ADCY3: variants seen among roughly 807,000 people sequenced by gnomAD.
The protein encoded by ADCY3 is adenylate cyclase type 3.
ADCY3 carries 70 observed loss-of-function variants against 119.4 expected under a neutral mutation model. That is an observed-to-expected ratio of 0.59 (90% CI 0.48 to 0.72). The LOEUF is 0.72. Ranked by LOEUF, ADCY3 falls within the 30% of genes least tolerant of loss-of-function variation. The pLI, the probability that ADCY3 is intolerant of heterozygous loss-of-function variation, is 0.00. For synonymous variants in ADCY3, 672 were observed against 621.4 expected (o/e 1.08, Z -1.21); for missense variants, 1,238 against 1,541.6 (o/e 0.80, Z 3.30).
intron 3 of ADCY3, among the ~76,000 whole-genome samples, chr2:24,847,922 C>T (rs1181539731): frequency 1.3e-5 from 2 of 152,284 alleles, no homozygotes; most frequent in Middle Eastern, 3.4e-3. Flanking sequence ...TCAGTAATCC[C>T]GGGGATCCCA....
intron 3 of ADCY3, among the ~76,000 whole-genome samples, chr2:24,869,693 C>A (rs1045097775): frequency 6.6e-6 from 1 of 152,176 alleles, no homozygotes; most frequent in Non-Finnish European, 1.5e-5. Context: ...GGCATAGCCA[C>A]CTGCCTGGCC....
intron 18 of ADCY3, 134 bp from the exon 19 acceptor site, chr2:24,822,764 C>T: frequency 8.1e-7 from 1 of 1,230,944 alleles, no homozygotes; most frequent in Non-Finnish European, 1.1e-6. Flanking sequence ...GTTACTTAGT[C>T]TACCGCTTAT....
intron 18 of ADCY3, 121 bp downstream of exon 18, chr2:24,823,088 T>C: frequency 7.8e-7 from 1 of 1,280,522 alleles, no homozygotes; most frequent in East Asian, 2.5e-5. Flanking sequence ...GTCCATGTAT[T>C]GCGGAAGGGG....
chr2:24,870,936 T>A (rs965031874), intron 3 of ADCY3, among the ~76,000 whole-genome samples: 1 of 152,206 alleles, frequency 6.6e-6, no homozygotes, highest in Admixed American at 6.5e-5. Context: ...CTAAATTATC[T>A]ACACGAGAAC....
intron 2 of ADCY3, among the ~76,000 whole-genome samples, chr2:24,915,545 G>A (rs1345725344): frequency 1.3e-5 from 2 of 152,032 alleles, no homozygotes; most frequent in Non-Finnish European, 2.9e-5. Flanking sequence ...GTTTTTTGTT[G>A]TTTTTGTTTT....
intron 3 of ADCY3, among the ~76,000 whole-genome samples, chr2:24,847,757 T>C (rs1671814834): frequency 1.3e-5 from 2 of 152,202 alleles, no homozygotes; most frequent in South Asian, 4.1e-4. Flanking sequence ...TAGGAAGGTT[T>C]TCAAGAAAAG....
At chr2:24,829,083 C>A (rs1572808389) in intron 13 of ADCY3, among the ~76,000 whole-genome samples, 1 of 151,228 alleles carries the variant, frequency 6.6e-6, no homozygotes, top group Non-Finnish European at 1.5e-5. Flanking sequence ...GTGGTGCATT[C>A]TTGGCTCACT....
chr2:24,878,929 G>A lies in ADCY3; in HGVS notation c.676-6210C>T, dbSNP rs1457314325. Among the ~76,000 whole-genome samples the A allele has an allele frequency of 5.9e-5, 9 of 152,084 alleles. No homozygotes were observed. The highest frequency in any genetic ancestry group is 1.9e-4 in the African/African-American group (8 of 41,390). The stretch of plus-strand genomic sequence containing the variant: ...TTCTCTGTCCTCACTCCTTCGCCTC[G>A]TCGCCTGGAAAGCAAACTCCATGCA... On this transcript the variant is annotated intron_variant, in intron 2 of 21. Coordinates refer to ENST00000679454, the MANE Select transcript of ADCY3 (RefSeq NM_004036.5). This position sits in a 1 kb window ranked among gnomAD's most constrained non-coding sequence, Gnocchi z 4.0.
intron 2 of ADCY3, among the ~76,000 whole-genome samples, chr2:24,873,359 G>GC (rs935075540): frequency 6.6e-6 from 1 of 152,184 alleles, no homozygotes; most frequent in African/African-American, 2.4e-5. Context: ...GGTGAGGGGT[G>GC]CCCAGTACCA....
At chr2:24,881,449 G>A (rs138381006) in intron 2 of ADCY3, among the ~76,000 whole-genome samples, 209 of 152,334 alleles carry the variant, frequency 1.4e-3, no homozygotes, top group African/African-American at 4.8e-3. Flanking sequence ...CACGGGAGAG[G>A]CCAGAAGGAT....
Position 24,899,983 on chromosome 2 carries a change from T to C in ADCY3, c.675+18330A>G, listed in dbSNP as rs4077679. Among the ~76,000 whole-genome samples, 70,937 of 151,974 alleles carry C rather than the reference T, an allele frequency of 0.47. 19,525 individuals carry two copies. The highest frequency in any genetic ancestry group is 0.78 in the African/African-American group (32,392 of 41,490). ...CGTTTAAGAGAAGCCTCAATGTTAA[T>C]AGCAGTTATCCTTCAGAAATAATAT... On this transcript the variant is annotated intron_variant, in intron 2 of 21. Coordinates refer to ENST00000679454, the MANE Select transcript of ADCY3 (RefSeq NM_004036.5). This position sits in a 1 kb window ranked among gnomAD's most constrained non-coding sequence, Gnocchi z 4.5.
intron 9 of ADCY3, among the ~76,000 whole-genome samples, chr2:24,835,416 A>G (rs1670167283): frequency 6.6e-6 from 1 of 152,226 alleles, no homozygotes; most frequent in Admixed American, 6.5e-5. Flanking sequence ...CTGAGGGGGA[A>G]AGTGATGGGA....
intron 7 of ADCY3, chr2:24,839,025 C>A: frequency 1.8e-6 from 1 of 570,228 alleles, no homozygotes; most frequent in South Asian, 1.8e-5. Context: ...TCAGTGCAAC[C>A]TCTGCCTCCC....
chr2:24,863,662 C>CTTT (rs1673945311), intron 3 of ADCY3, among the ~76,000 whole-genome samples: 1 of 152,240 alleles, frequency 6.6e-6, no homozygotes, highest in Non-Finnish European at 1.5e-5. Flanking sequence ...GTTAGGATTA[C>CTTT]AGGCGTTGAG....
intron 15 of ADCY3, chr2:24,826,606 C>T (rs1668655913): frequency 6.5e-6 from 1 of 154,038 alleles, no homozygotes; most frequent in African/African-American, 2.4e-5. Context: ...AGTTATGTAT[C>T]CATTTCCTGT....
intron 21 of ADCY3, 140 bp from the exon 22 acceptor site, chr2:24,820,254 C>A: frequency 8.4e-7 from 1 of 1,196,166 alleles, no homozygotes; most frequent in Non-Finnish European, 1.1e-6. Context: ...CCTCCCAGGG[C>A]CAAGCCCTTC....
intron 3 of ADCY3, among the ~76,000 whole-genome samples, chr2:24,847,170 T>C (rs1671748969): frequency 1.3e-5 from 2 of 152,176 alleles, no homozygotes; most frequent in African/African-American, 4.8e-5. Flanking sequence ...GGCCAGACTT[T>C]CATGTGCTAT....
Position 24,837,043 on chromosome 2 carries a change from G to A in ADCY3, c.1536C>T (p.Ala512=), listed in dbSNP as rs763773538. ...AGGAAGCTGGTGCTCCATTGGGCAG[G>A]GCCTAGAGGAAAGGAGAGCTCAGCC... The part of the protein sequence containing the change: ...TATQNGLNGS[A]LPNGAPASSK... Residue 512 remains alanine, a splice_region_variant and synonymous_variant, in exon 9 of 22, where the codon GCC becomes GCT. Coordinates refer to ENST00000679454, the MANE Select transcript of ADCY3 (RefSeq NM_004036.5). 6.2e-7 allele frequency: 1 copy of A among 1,613,920 alleles called. No individual in the cohort carries two copies. The highest frequency in any genetic ancestry group is 2.2e-5 in the East Asian group (1 of 44,876).
Position 24,820,087 on chromosome 2 carries a change from G to C in ADCY3, c.3280C>G (p.Arg1094Gly), listed in dbSNP as rs1376918282. 1 of 1,560,672 alleles carries C rather than the reference G, an allele frequency of 6.4e-7. No homozygotes were observed. Among genetic ancestry groups the C allele is most frequent in the Non-Finnish European group, 8.7e-7 (1 of 1,153,854 alleles). ...CTCACAAAGCGGAAGCCGTACTCTC[G>C]GAGGATGACTTGGGTTTCTTCTACC... ...QVVEETQVIL[R>G]EYGFRFVRRG... Residue 1094 changes from arginine (R) to glycine (G), a missense_variant, in exon 22 of 22, where the codon CGA (arginine) becomes GGA (glycine). Transcript: ENST00000679454.
Sources: allele counts gnomAD v4.1 joint callset (sites outside exome capture counted in the v4.1 genomes callset), GRCh38; gene constraint gnomAD v4.1.1; non-coding constraint Gnocchi (gnomAD v3.1); transcripts MANE v1.5; gene names NCBI Gene and HGNC (gene_info 2026-07-23, HGNC 2026-07-21).